Variants in NAV1 observed in about 807,000 individuals in gnomAD.
NAV1 encodes neuron navigator 1.
Under a neutral mutation model 175.2 loss-of-function variants are expected in NAV1, and 18 were observed. That is an observed-to-expected ratio of 0.10 (90% CI 0.07 to 0.15). The LOEUF is 0.15. NAV1 is among the 10% of genes least tolerant of loss of function. The pLI, the probability that NAV1 is intolerant of heterozygous loss-of-function variation, is 1.00. For synonymous variants in NAV1, 897 were observed against 978.7 expected, an observed-to-expected ratio of 0.92 and a Z score of 1.56; for missense variants, 1,731 against 2,436.6, an observed-to-expected ratio of 0.71 and a Z score of 6.10.
intron 1 of NAV1, among the ~76,000 whole-genome samples, chr1:201,687,576 C>T (rs936440467): frequency 6.6e-6 from 1 of 152,176 alleles, no homozygotes; most frequent in Admixed American, 6.5e-5. Flanking sequence ...TTAGAATATA[C>T]ATAATTATCT....
intron 1 of NAV1, among the ~76,000 whole-genome samples, chr1:201,653,042 G>T (rs1669266750): frequency 6.6e-6 from 1 of 152,056 alleles, no homozygotes; most frequent in Non-Finnish European, 1.5e-5. Flanking sequence ...TATACTAAAA[G>T]TGAAAAACAG....
exon 1 of NAV1, chr1:201,623,361 A>G (rs1571850538): frequency 3.0e-6 from 3 of 985,916 alleles, no homozygotes; most frequent in East Asian, 1.1e-4. Context: ...CTCAAATACC[A>G]GGGGCTCCGG....
intron 2 of NAV1, among the ~76,000 whole-genome samples, chr1:201,643,095 TTCTC>T (rs1235021670): frequency 7.1e-6 from 1 of 141,256 alleles, no homozygotes; most frequent in Non-Finnish European, 1.5e-5. Context: ...TTCTTTCTTT[TTCTC>T]TTTCTTTCTT....
intron 1 of NAV1, chr1:201,673,225 A>C (rs1420846935): frequency 6.6e-6 from 1 of 152,242 alleles, no homozygotes; most frequent in Non-Finnish European, 1.5e-5. Context: ...TTTGAGTCCA[A>C]CACTTCCGGC....
intron 2 of NAV1, among the ~76,000 whole-genome samples, chr1:201,594,922 C>T (rs982290615): frequency 6.6e-6 from 1 of 152,248 alleles, no homozygotes; most frequent in African/African-American, 2.4e-5. Context: ...TTTGAACCTT[C>T]TCTATGCAGG....
intron 13 of NAV1, chr1:201,791,076 A>C (rs2102744035): frequency 3.1e-6 from 1 of 326,616 alleles, no homozygotes; most frequent in South Asian, 4.6e-5. Context: ...TGGAGGCAGA[A>C]ACAACCTTGC....
chr1:201,655,428 C>G (rs1455888867), intron 1 of NAV1, among the ~76,000 whole-genome samples: 2 of 152,244 alleles, frequency 1.3e-5, no homozygotes, highest in Non-Finnish European at 2.9e-5. Flanking sequence ...GCGGCCTTTT[C>G]TCTCATGCAC....
rs1255719076 is a variant in NAV1, at chr1:201,718,556, C to G, written c.1027C>G (p.Pro343Ala). 1.2e-6 allele frequency: 2 copies of G among 1,613,832 alleles called. No homozygotes were observed. The highest frequency in any genetic ancestry group is 1.7e-6 in the Non-Finnish European group (2 of 1,179,894). The change falls in exon 3 of 30, where the codon CCC becomes GCC. Residue 343 changes from proline (P) to alanine (A), a missense_variant. Pro to Ala is a conservative substitution (Grantham distance 27). This residue lies in a region of NAV1 where 487 missense variants were observed against 581.3 expected (regional missense o/e 0.84). Transcript: ENST00000367296. This position sits in a 1 kb window ranked among gnomAD's most constrained non-coding sequence, Gnocchi z 4.8. The stretch of plus-strand genomic sequence containing the variant: ...TGGGAGCTGCCGCTCGGAGGGGACG[C>G]CCGCCTGGTACATGCACGGCGAACG...
At chr1:201,621,978 G>T (rs1668185650), upstream of NAV1, among the ~76,000 whole-genome samples, 1 of 152,212 alleles carries the variant, frequency 6.6e-6, no homozygotes, top group African/African-American at 2.4e-5. Context: ...AAGGGGGAAG[G>T]GTTGAAGATA....
intron 3 of NAV1, among the ~76,000 whole-genome samples, chr1:201,766,851 T>A (rs1013577591): frequency 6.6e-6 from 1 of 151,950 alleles, no homozygotes; most frequent in African/African-American, 2.4e-5. Context: ...TGAGATGGAG[T>A]CTTGCTATGT....
exon 4 of NAV1, chr1:201,780,424 G>C: frequency 6.2e-7 from 1 of 1,614,170 alleles, no homozygotes; most frequent in Non-Finnish European, 8.5e-7. Flanking sequence ...CCTGTAGCTG[G>C]GATGAAAGCA....
chr1:201,558,682 C>T (rs1347318304), intron 1 of NAV1, among the ~76,000 whole-genome samples: 3 of 152,124 alleles, frequency 2.0e-5, no homozygotes, highest in Middle Eastern at 3.2e-3. Flanking sequence ...GAACTCCTGA[C>T]CTCGTGATCC....
chr1:201,646,456 T>G (rs561974298), upstream of NAV1, among the ~76,000 whole-genome samples: 1 of 152,216 alleles, frequency 6.6e-6, no homozygotes, highest in Non-Finnish European at 1.5e-5. Context: ...AGGATTATTA[T>G]TTTCCCAAGT....
chr1:201,813,069 G>T lies in NAV1; in HGVS notation c.5222-71G>T. On this transcript the variant is annotated intron_variant, in intron 27 of 29. Coordinates refer to ENST00000367296, the Ensembl canonical transcript of NAV1. The surrounding 1 kb of genome is among the most constrained non-coding windows in gnomAD (Gnocchi z 4.2). ...TCAGACCCCTCTGCCTGGTACTAAG[G>T]AGTAAAAGAGGCACACAACCGGGAA... 1 of 1,096,742 alleles carries T rather than the reference G, an allele frequency of 9.1e-7. No individual in the cohort carries two copies. The highest frequency in any genetic ancestry group is 1.4e-6 in the Non-Finnish European group (1 of 721,366). The allele number at this position is 1,096,742 out of a possible 1,614,324, so 67.9% of individuals were successfully genotyped here. A position where few individuals can be genotyped will look rare whatever the true frequency, so the allele number is the denominator to read the frequency against.
At chr1:201,691,495 A>G (rs1381783121) in intron 1 of NAV1, among the ~76,000 whole-genome samples, 1 of 152,244 alleles carries the variant, frequency 6.6e-6, no homozygotes, top group African/African-American at 2.4e-5. Flanking sequence ...CTCATCAAGT[A>G]CGTAAACAAA....
chr1:201,607,833 T>A (rs1667728969), intron 2 of NAV1, among the ~76,000 whole-genome samples: 1 of 150,198 alleles, frequency 6.7e-6, no homozygotes, highest in South Asian at 2.1e-4. Flanking sequence ...TAATATATAG[T>A]GAAAAGATAT....
rs956993601 is a variant in NAV1 at position 201,812,083 on chromosome 1, C to T, written c.5024+109C>T. ...GAGAAGGAAAGAGAAGTATCCAGAG[C>T]TTTTTGGGCTGGAAATAGAAAGTAG... On this transcript the variant is annotated intron_variant, in intron 26 of 29. Coordinates refer to ENST00000367296, the Ensembl canonical transcript of NAV1. This position sits in a 1 kb window ranked among gnomAD's most constrained non-coding sequence, Gnocchi z 4.6. 2 of 1,075,226 alleles carry T rather than the reference C, an allele frequency of 1.9e-6. No individual in the cohort carries two copies. The highest frequency in any genetic ancestry group is 2.6e-5 in the South Asian group (2 of 77,570). 66.6% of individuals were successfully genotyped at this position (1,075,226 alleles called of 1,614,324 possible).
At chr1:201,648,191 G>C (rs1669041147), upstream of NAV1, 1 of 976,796 alleles carries the variant, frequency 1.0e-6, no homozygotes, top group African/African-American at 1.8e-5. Flanking sequence ...CTGCAGCCTC[G>C]ACTCGGGCTG....
chr1:201,817,232 G>A (rs762666508), exon 29 of NAV1: 36 of 1,613,956 alleles, frequency 2.2e-5, no homozygotes, highest in Non-Finnish European at 2.8e-5. Flanking sequence ...CTCACCTCCC[G>A]AGGATAGGAC....
Sources: gnomAD v4.1 joint callset for allele counts (sites outside exome capture counted in the v4.1 genomes callset) on GRCh38, gnomAD v4.1.1 for gene constraint, gnomAD v4.1.1 regional missense constraint, Gnocchi (gnomAD v3.1) non-coding constraint, MANE v1.5 for transcripts, NCBI Gene and HGNC (gene_info 2026-07-23, HGNC 2026-07-21) for gene names.